The following TESC variants were observed in gnomAD, a reference collection of about 807,000 sequenced individuals.
The protein encoded by TESC is calcineurin B homologous protein 3.
TESC carries 19 observed loss-of-function variants against 31.0 expected under a neutral mutation model. The observed-to-expected ratio is 0.61, with a 90% CI of 0.43 to 0.90. The LOEUF (loss-of-function observed/expected upper bound fraction) is 0.90, where lower values mean the gene tolerates loss of function less well. Ranked by LOEUF, TESC falls within the 40% of genes least tolerant of loss-of-function variation. TESC has a pLI of 0.00. For missense variants in TESC, 248 were observed against 303.8 expected (o/e 0.82, Z 1.36); for synonymous variants, 109 against 114.8 (o/e 0.95, Z 0.32).
At chr12:117,090,755 C>T (rs550064754) in intron 1 of TESC, among the ~76,000 whole-genome samples, 1 of 152,184 alleles carries the variant, frequency 6.6e-6, no homozygotes, top group Non-Finnish European at 1.5e-5. Flanking sequence ...GCAAGAACCC[C>T]CTTAGAACTA....
In TESC at chr12:117,099,094, A is replaced by T. The variant is rs1955436740; in HGVS notation, c.58+131T>A. 3.1e-6 allele frequency: 3 copies of T among 967,432 alleles called. No homozygotes were observed. In the Middle Eastern group the frequency reaches 1.0e-3, roughly 336 times the overall value. 59.9% of individuals were successfully genotyped at this position (967,432 alleles called of 1,614,324 possible). A position where few individuals can be genotyped will look rare whatever the true frequency, so the allele number is the denominator to read the frequency against. The stretch of plus-strand genomic sequence containing the variant: ...CCAGCGGGGACCCATTTGAAAGAGG[A>T]GGAGACTGAGGCGCAGAGAGGGCCC... On this transcript the variant is annotated intron_variant, in intron 1 of 7. Coordinates refer to ENST00000335209, the MANE Select transcript of TESC (RefSeq NM_017899.4).
intron 1 of TESC, among the ~76,000 whole-genome samples, chr12:117,085,385 A>G (rs896564447): frequency 6.6e-6 from 1 of 152,114 alleles, no homozygotes; most frequent in African/African-American, 2.4e-5. Context: ...AGACTGAGAG[A>G]CAGCAGGTGC....
chr12:117,048,990 T>C, intron 4 of TESC, 29 bp downstream of exon 4: 2 of 1,613,876 alleles, frequency 1.2e-6, no homozygotes, highest in Non-Finnish European at 1.7e-6. Context: ...CCAGGCCAGG[T>C]GTGAGCAAGG....
intron 1 of TESC, among the ~76,000 whole-genome samples, chr12:117,084,449 G>C (rs150778289): frequency 5.3e-5 from 8 of 152,330 alleles, no homozygotes; most frequent in African/African-American, 1.9e-4. Context: ...TCATTAAGAG[G>C]AGGCAGAAAT....
intron 2 of TESC, among the ~76,000 whole-genome samples, chr12:117,058,820 T>C (rs1298825453): frequency 6.6e-6 from 1 of 151,242 alleles, no homozygotes; most frequent in East Asian, 1.9e-4. Flanking sequence ...GGACACCCTG[T>C]AGCTGGCACA....
intron 6 of TESC, among the ~76,000 whole-genome samples, chr12:117,042,701 G>C (rs1056587056): frequency 6.6e-6 from 1 of 152,122 alleles, no homozygotes; most frequent in Admixed American, 6.5e-5. Flanking sequence ...CCCTTTCACC[G>C]ATACTCCAGG....
intron 3 of TESC, among the ~76,000 whole-genome samples, chr12:117,049,615 T>C (rs1345591965): frequency 6.6e-6 from 1 of 152,120 alleles, no homozygotes; most frequent in African/African-American, 2.4e-5. Flanking sequence ...AAGAAGACTT[T>C]TCGGGCTGGG....
intron 3 of TESC, among the ~76,000 whole-genome samples, chr12:117,055,177 C>T (rs1297158429): frequency 2.6e-5 from 4 of 152,190 alleles, no homozygotes; most frequent in African/African-American, 9.7e-5. Flanking sequence ...AATCTCATTC[C>T]GTTGCCCAGA....
intron 4 of TESC, among the ~76,000 whole-genome samples, chr12:117,047,963 T>C (rs973733353): frequency 1.3e-5 from 2 of 151,840 alleles, no homozygotes; most frequent in Non-Finnish European, 2.9e-5. Context: ...GGCTGAGCCC[T>C]GAACTCGTGG....
chr12:117,093,867 A>G (rs539156473), intron 1 of TESC, among the ~76,000 whole-genome samples: 10 of 151,924 alleles, frequency 6.6e-5, no homozygotes, highest in Non-Finnish European at 1.5e-4. Context: ...AGCCTGAAGG[A>G]AAAAACAGAC....
Position 117,099,407 on chromosome 12 carries a change from C to CCGCGGCTCCGA in TESC, c.-126_-125insTCGGAGCCGCG. 1.0e-6 allele frequency: 1 copy of CCGCGGCTCCGA among 961,036 alleles called. No individual in the cohort carries two copies. The highest frequency in any genetic ancestry group is 1.4e-6 in the Non-Finnish European group (1 of 735,228). The allele number at this position is 961,036 out of a possible 1,614,324, so 59.5% of individuals were successfully genotyped here. A position where few individuals can be genotyped will look rare whatever the true frequency, so the allele number is the denominator to read the frequency against. ...CGGGACGCCGGCGAAGGCTCGGAGC[C>CCGCGGCTCCGA]GCGGGTTCCGCGTGGGGCCGGAGCG... On this transcript the variant is annotated 5_prime_UTR_variant, in exon 1 of 8. Transcript: ENST00000335209.
rs573471911 is a variant in TESC, at chr12:117,047,340, C to T, written c.350-502G>A. The stretch of plus-strand genomic sequence containing the variant: ...GGCCTGGCATCAGGGAGGCGATGGC[C>T]GGGAGGGGGCCTCTCCATGTTGTTC... On this transcript the variant is annotated intron_variant, in intron 4 of 7. Coordinates refer to ENST00000335209, the MANE Select transcript of TESC (RefSeq NM_017899.4). 3.5e-4 allele frequency among the ~76,000 whole-genome samples: 53 copies of T among 152,240 alleles called. 1 individual carries two copies. Among genetic ancestry groups the T allele is most frequent in the South Asian group, 1.5e-3 (7 of 4,824 alleles).
intron 1 of TESC, among the ~76,000 whole-genome samples, chr12:117,087,451 G>GT (rs1220993780): frequency 7.9e-5 from 12 of 152,090 alleles, no homozygotes; most frequent in African/African-American, 2.9e-4. Flanking sequence ...ATCTCTGCGG[G>GT]TTTTTTCCTA....
chr12:117,048,970 A>G (rs1375872966), intron 4 of TESC, 49 bp downstream of exon 4: 1 of 1,612,706 alleles, frequency 6.2e-7, no homozygotes, highest in Admixed American at 1.7e-5. Flanking sequence ...GTCTTAGGGG[A>G]GGCTGCACCC....
intron 7 of TESC, among the ~76,000 whole-genome samples, chr12:117,041,678 G>T (rs915716111): frequency 2.0e-5 from 3 of 152,180 alleles, no homozygotes; most frequent in Admixed American, 1.3e-4. Context: ...ACCGCAGGTG[G>T]GAGAGAATTT....
chr12:117,039,265 ACCAGGCCCC>A, intron 7 of TESC, 55 bp from the exon 8 acceptor site: 1 of 1,547,010 alleles, frequency 6.5e-7, no homozygotes, highest in South Asian at 1.2e-5. Context: ...CTCACACCTG[ACCAGGCCCC>A]CCGGTCCTCG....
At chr12:117,044,520 G>T (rs1954528628) in intron 6 of TESC, among the ~76,000 whole-genome samples, 1 of 152,304 alleles carries the variant, frequency 6.6e-6, no homozygotes, top group East Asian at 1.9e-4. Context: ...GCGGGGAGTT[G>T]GGGGAAGCAG....
chr12:117,093,030 G>C (rs1220687250), intron 1 of TESC, among the ~76,000 whole-genome samples: 3 of 152,176 alleles, frequency 2.0e-5, no homozygotes, highest in African/African-American at 7.2e-5. Flanking sequence ...AAAGGCACGG[G>C]GGACTGGCTG....
At chr12:117,058,849 A>C (rs1405251975) in intron 2 of TESC, among the ~76,000 whole-genome samples, 1 of 151,910 alleles carries the variant, frequency 6.6e-6, no homozygotes, top group Non-Finnish European at 1.5e-5. Flanking sequence ...TGAGTCCTAG[A>C]GGCTGCAGGT....
Sources: gnomAD v4.1 joint callset for allele counts (sites outside exome capture counted in the v4.1 genomes callset) on GRCh38, gnomAD v4.1.1 for gene constraint, MANE v1.5 for transcripts, NCBI Gene and HGNC (gene_info 2026-07-23, HGNC 2026-07-21) for gene names.